The following ADGRB3 variants were observed in gnomAD, a reference collection of about 807,000 sequenced individuals.
ADGRB3 encodes the protein brain-specific angiogenesis inhibitor 3.
In ADGRB3, 37 loss-of-function variants were observed where a neutral mutation model predicts 193.4. The ratio of observed to expected loss-of-function variants is 0.19; its 90% CI spans 0.15 to 0.25. The LOEUF (loss-of-function observed/expected upper bound fraction) is 0.25. Among genes scored for constraint, ADGRB3 ranks in the 10% least tolerant of loss-of-function variants. The pLI, the probability that ADGRB3 is intolerant of heterozygous loss-of-function variation, is 1.00. For missense variants in ADGRB3, 1,637 were observed against 1,852.9 expected (o/e 0.88, Z 2.14); for synonymous variants, 690 against 644.2 (o/e 1.07, Z -1.08).
chr6:68,876,932 A>G (rs1250738422), intron 3 of ADGRB3, among the ~76,000 whole-genome samples: 1 of 152,080 alleles, frequency 6.6e-6, no homozygotes, highest in Non-Finnish European at 1.5e-5. Context: ...CCCATAATGC[A>G]TTGAAAAAAC....
At chr6:68,921,731 A>G (rs1196821816) in intron 3 of ADGRB3, among the ~76,000 whole-genome samples, 1 of 151,682 alleles carries the variant, frequency 6.6e-6, no homozygotes, top group Non-Finnish European at 1.5e-5. Context: ...AATATATAAT[A>G]TAAGAATAGA....
chr6:69,290,683 A>C (rs930479377), intron 20 of ADGRB3, among the ~76,000 whole-genome samples: 12 of 152,204 alleles, frequency 7.9e-5, no homozygotes, highest in Admixed American at 2.0e-4. Flanking sequence ...ATAAAAGCAG[A>C]GTGTTTATGT....
intron 17 of ADGRB3, among the ~76,000 whole-genome samples, chr6:69,076,478 A>G (rs1023287059): frequency 6.6e-6 from 1 of 152,090 alleles, no homozygotes; most frequent in Non-Finnish European, 1.5e-5. Context: ...GGTCCCTCCA[A>G]ATTGTTTTGT....
rs1249363127 is a variant in ADGRB3 at position 68,993,942 on chromosome 6, C to A, written c.1909C>A (p.Pro637Thr). Reference sequence around the variant, plus strand: ...CACATTTAAAAGGGCAAGTTACATCCCTGCATCTGATGGTGTCCAGGTAAG... The same window carrying A: ...CACATTTAAAAGGGCAAGTTACATCACTGCATCTGATGGTGTCCAGGTAAG... ...TDTFKRASYIPASDGVQNFFQ... is the reference protein window; with the variant it reads ...TDTFKRASYITASDGVQNFFQ... The change falls in exon 11 of 32, where the codon CCT becomes ACT. Residue 637 changes from proline (P) to threonine (T), a missense_variant. By Grantham distance (38) the Pro-to-Thr change is conservative. Coordinates refer to ENST00000370598, the MANE Select transcript of ADGRB3 (RefSeq NM_001704.3). The A allele has an allele frequency of 3.1e-6, 5 of 1,613,430 alleles. No homozygotes were observed. The highest frequency in any genetic ancestry group is 8.5e-7 in the Non-Finnish European group (1 of 1,179,682).
chr6:68,785,781 A>G (rs1172951626), intron 3 of ADGRB3, among the ~76,000 whole-genome samples: 1 of 152,106 alleles, frequency 6.6e-6, no homozygotes, highest in African/African-American at 2.4e-5. Flanking sequence ...CAACAGCATA[A>G]AAGTGTTCCT....
intron 17 of ADGRB3, among the ~76,000 whole-genome samples, chr6:69,186,845 A>C (rs940798128): frequency 1.3e-5 from 2 of 151,854 alleles, no homozygotes; most frequent in African/African-American, 2.4e-5. Flanking sequence ...TAAATACAGA[A>C]GTACTATTAC....
chr6:69,225,683 G>A (rs1246279581), intron 17 of ADGRB3, among the ~76,000 whole-genome samples: 1 of 152,160 alleles, frequency 6.6e-6, no homozygotes, highest in Non-Finnish European at 1.5e-5. Flanking sequence ...TTTGCCTCTA[G>A]GCTGTTTCAT....
intron 17 of ADGRB3, among the ~76,000 whole-genome samples, chr6:69,088,772 C>T (rs1188956901): frequency 6.6e-6 from 1 of 152,124 alleles, no homozygotes; most frequent in East Asian, 1.9e-4. Flanking sequence ...CAAAGTGATT[C>T]CGTGTTCATG....
At chr6:69,037,401 A>G (rs143928471) in intron 13 of ADGRB3, among the ~76,000 whole-genome samples, 73 of 152,320 alleles carry the variant, frequency 4.8e-4, no homozygotes, top group Middle Eastern at 3.4e-3. Context: ...AGGTAGTTGC[A>G]ACAGAAGCCT....
At chr6:69,051,551 G>T (rs1291941898) in intron 15 of ADGRB3, among the ~76,000 whole-genome samples, 1 of 152,152 alleles carries the variant, frequency 6.6e-6, no homozygotes, top group Non-Finnish European at 1.5e-5. Flanking sequence ...TGAAATATTT[G>T]TTAAGTACTC....
At chr6:69,026,982 A>C (rs573639586) in intron 13 of ADGRB3, among the ~76,000 whole-genome samples, 1 of 152,250 alleles carries the variant, frequency 6.6e-6, no homozygotes, top group East Asian at 1.9e-4. Context: ...GACTTTATAA[A>C]CACTGTACTC....
rs567940247 is a variant in ADGRB3 at position 68,870,261 on chromosome 6, T to C, written c.758-60298T>C. On this transcript the variant is annotated intron_variant, in intron 3 of 31. Transcript: ENST00000370598. ...TAATAGGGCAATGACTCTGAAAAAATTCTTAGAACTCATCTGGTTGAGAAG... is the reference window on the plus strand; with the variant it reads ...TAATAGGGCAATGACTCTGAAAAAACTCTTAGAACTCATCTGGTTGAGAAG... Among the ~76,000 whole-genome samples the C allele has an allele frequency of 2.0e-5, 3 of 152,252 alleles. No homozygotes were observed. In the South Asian group the frequency reaches 6.2e-4, roughly 32 times the overall value.
intron 29 of ADGRB3, among the ~76,000 whole-genome samples, chr6:69,366,969 C>A (rs777485333): frequency 2.0e-5 from 3 of 152,006 alleles, no homozygotes; most frequent in African/African-American, 7.2e-5. Flanking sequence ...GACAGACAAC[C>A]ATTAAACCAA....
intron 17 of ADGRB3, among the ~76,000 whole-genome samples, chr6:69,091,456 G>A (rs1038100393): frequency 4.6e-5 from 7 of 152,158 alleles, no homozygotes; most frequent in Admixed American, 2.6e-4. Context: ...ATACTATGCA[G>A]CCATAAAAAA....
chr6:69,100,809 CAAAG>C (rs201160948), intron 17 of ADGRB3, among the ~76,000 whole-genome samples: 1,317 of 26,972 alleles, frequency 0.049, 23 homozygotes, highest in African/African-American at 0.13. Flanking sequence ...AAAAAAAAGA[CAAAG>C]GAAGGAAGGA....
At chr6:69,220,728 A>G (rs1178050126) in intron 17 of ADGRB3, among the ~76,000 whole-genome samples, 1 of 152,142 alleles carries the variant, frequency 6.6e-6, no homozygotes, top group Non-Finnish European at 1.5e-5. Context: ...CTGCCCTTCA[A>G]GAAATTTCAA....
intron 17 of ADGRB3, 21 bp from the exon 18 acceptor site, chr6:69,233,269 C>T (rs1331954517): frequency 6.2e-7 from 1 of 1,610,454 alleles, no homozygotes; most frequent in African/African-American, 1.3e-5. Context: ...CGATTTCCTC[C>T]CCCCTCACTC....
chr6:68,853,873 T>A (rs1389492962), intron 3 of ADGRB3, among the ~76,000 whole-genome samples: 1 of 152,198 alleles, frequency 6.6e-6, no homozygotes, highest in Non-Finnish European at 1.5e-5. Flanking sequence ...TATTATGGTT[T>A]TAATTTTACT....
chr6:68,751,357 C>T (rs970804180), intron 3 of ADGRB3, among the ~76,000 whole-genome samples: 5 of 152,042 alleles, frequency 3.3e-5, no homozygotes, highest in African/African-American at 4.8e-5. Flanking sequence ...TACCCTTTTC[C>T]CCCAACCCAC....
Sources: allele counts gnomAD v4.1 joint callset (sites outside exome capture counted in the v4.1 genomes callset), GRCh38; gene constraint gnomAD v4.1.1; transcripts MANE v1.5; gene names NCBI Gene and HGNC (gene_info 2026-07-23, HGNC 2026-07-21).